DAB1: variants seen among roughly 807,000 people sequenced by gnomAD.
DAB1 encodes the protein disabled homolog 1.
In DAB1, 15 loss-of-function variants were observed where a neutral mutation model predicts 64.6. The ratio of observed to expected loss-of-function variants is 0.23; its 90% CI spans 0.16 to 0.36. DAB1 has a LOEUF of 0.36. Ranked by LOEUF, DAB1 falls within the 10% of genes least tolerant of loss-of-function variation. DAB1 has a pLI of 1.00. For synonymous variants in DAB1, 235 were observed against 251.9 expected (o/e 0.93, Z 0.64); for missense variants, 596 against 706.7 (o/e 0.84, Z 1.78).
chr1:57,168,493 A>AT (rs1661415629), intron 2 of DAB1, among the ~76,000 whole-genome samples: 1 of 152,116 alleles, frequency 6.6e-6, no homozygotes, highest in Non-Finnish European at 1.5e-5. Context: ...ATGTCTTCAC[A>AT]TCTGTGAATT....
chr1:57,479,344 A>T (rs1570558225), intron 7 of DAB1, among the ~76,000 whole-genome samples: 1 of 151,954 alleles, frequency 6.6e-6, no homozygotes, highest in Non-Finnish European at 1.5e-5. Flanking sequence ...GGTCGGTGGG[A>T]CATAATGTAT....
chr1:57,300,633 A>G (rs766554404), intron 1 of DAB1, among the ~76,000 whole-genome samples: 1 of 152,162 alleles, frequency 6.6e-6, no homozygotes, highest in African/African-American at 2.4e-5. Flanking sequence ...CCAGAATGCA[A>G]TGGGCCTGAA....
intron 2 of DAB1, among the ~76,000 whole-genome samples, chr1:57,156,868 G>A (rs142753734): frequency 3.9e-5 from 6 of 152,276 alleles, no homozygotes; most frequent in African/African-American, 7.2e-5. Flanking sequence ...CACAGACCTC[G>A]AAGATTCTGT....
intron 5 of DAB1, among the ~76,000 whole-genome samples, chr1:58,134,807 G>A (rs752483976): frequency 3.3e-5 from 5 of 152,168 alleles, no homozygotes; most frequent in Non-Finnish European, 5.9e-5. Context: ...CAACACTGGG[G>A]ATTACAATTC....
chr1:57,895,232 A>C (rs976895686), intron 5 of DAB1, among the ~76,000 whole-genome samples: 2 of 152,192 alleles, frequency 1.3e-5, no homozygotes, highest in Non-Finnish European at 2.9e-5. Context: ...CTGTTGTCCA[A>C]GGCTGTGATG....
intron 4 of DAB1, among the ~76,000 whole-genome samples, chr1:58,232,270 T>C (rs896531305): frequency 2.6e-5 from 4 of 152,204 alleles, no homozygotes; most frequent in African/African-American, 9.6e-5. Flanking sequence ...CTAATAGTTC[T>C]CAGTGCTGAA....
At chr1:57,374,751 G>A (rs1246752803) in intron 1 of DAB1, among the ~76,000 whole-genome samples, 1 of 152,134 alleles carries the variant, frequency 6.6e-6, no homozygotes, top group Non-Finnish European at 1.5e-5. Context: ...TAAAATACCT[G>A]GGTAGCACCT....
At chr1:57,926,191 G>A (rs950509467) in intron 5 of DAB1, among the ~76,000 whole-genome samples, 1 of 152,146 alleles carries the variant, frequency 6.6e-6, no homozygotes. Flanking sequence ...CCACAGAATG[G>A]CGAGGACAAT....
intron 1 of DAB1, among the ~76,000 whole-genome samples, chr1:57,319,169 T>G (rs1409218381): frequency 2.0e-5 from 3 of 152,134 alleles, no homozygotes; most frequent in Non-Finnish European, 4.4e-5. Flanking sequence ...ACTAAACCGG[T>G]TACTATTGTG....
At chr1:57,180,970 A>G (rs55944821) in intron 2 of DAB1, among the ~76,000 whole-genome samples, 48,172 of 152,054 alleles carry the variant, frequency 0.32, 9,345 homozygotes, top group Non-Finnish European at 0.42. Context: ...ACATAAATCT[A>G]TGTGTAAGGC....
chr1:57,540,722 C>A (rs917237791), intron 7 of DAB1, among the ~76,000 whole-genome samples: 7 of 152,146 alleles, frequency 4.6e-5, no homozygotes, highest in African/African-American at 1.4e-4. Context: ...CACAGAAAGA[C>A]AAATATCACA....
intron 2 of DAB1, among the ~76,000 whole-genome samples, chr1:57,280,312 C>A (rs1265632239): frequency 6.6e-6 from 1 of 152,194 alleles, no homozygotes; most frequent in African/African-American, 2.4e-5. Flanking sequence ...TGATGGACTG[C>A]AGAAACACTC....
intron 6 of DAB1, among the ~76,000 whole-genome samples, chr1:57,682,353 T>A: frequency 6.9e-6 from 1 of 145,832 alleles, no homozygotes; most frequent in African/African-American, 2.6e-5. Flanking sequence ...AGAAATAAAT[T>A]GAAGAAAAAA....
chr1:57,100,298 G>T (rs987441269), intron 4 of DAB1, among the ~76,000 whole-genome samples: 2 of 150,510 alleles, frequency 1.3e-5, no homozygotes, highest in African/African-American at 5.0e-5. Flanking sequence ...TACTGTTGTT[G>T]TTATTGTTGT....
At chr1:57,281,786 T>C (rs1671913860) in intron 2 of DAB1, among the ~76,000 whole-genome samples, 1 of 152,044 alleles carries the variant, frequency 6.6e-6, no homozygotes. Context: ...TAGCCTGAAC[T>C]ACCTTCGGGG....
chr1:57,535,820 T>G (rs184872530), intron 7 of DAB1, among the ~76,000 whole-genome samples: 3 of 152,348 alleles, frequency 2.0e-5, no homozygotes, highest in Admixed American at 2.0e-4. Context: ...TCAATGTTTT[T>G]TCAAGCTTTT....
At chr1:58,148,782 C>A (rs748593422) in intron 5 of DAB1, among the ~76,000 whole-genome samples, 7 of 152,130 alleles carry the variant, frequency 4.6e-5, no homozygotes, top group East Asian at 1.9e-4. Context: ...CACACCCCCC[C>A]CCCAACCTCA....
intron 1 of DAB1, among the ~76,000 whole-genome samples, chr1:57,380,895 T>C (rs1681314917): frequency 6.6e-6 from 1 of 152,176 alleles, no homozygotes; most frequent in Non-Finnish European, 1.5e-5. Context: ...ATGCAGCACC[T>C]CAATCCATTT....
chr1:57,616,129 C>T (rs1195900043), intron 7 of DAB1, among the ~76,000 whole-genome samples: 1 of 152,148 alleles, frequency 6.6e-6, no homozygotes, highest in African/African-American at 2.4e-5. Flanking sequence ...TCACTCACCA[C>T]TTCCTGGACA....
Sources: allele counts gnomAD v4.1 joint callset (sites outside exome capture counted in the v4.1 genomes callset), GRCh38; gene constraint gnomAD v4.1.1; transcripts MANE v1.5; gene names NCBI Gene and HGNC (gene_info 2026-07-23, HGNC 2026-07-21).